The following TAF3 variants were observed in gnomAD, a reference collection of about 807,000 sequenced individuals.
TAF3 encodes TATA-box binding protein associated factor 3.
Under a neutral mutation model 80.6 loss-of-function variants are expected in TAF3, and 7 were observed. The ratio of observed to expected loss-of-function variants is 0.09; its 90% CI spans 0.05 to 0.16. TAF3 has a LOEUF of 0.16. TAF3 is among the 10% of genes least tolerant of loss of function. The pLI, the probability that TAF3 is intolerant of heterozygous loss-of-function variation, is 1.00. For missense variants in TAF3, 921 were observed against 1,140.2 expected (o/e 0.81, Z 2.77); for synonymous variants, 444 against 446.1 (o/e 1.00, Z 0.06).
intron 3 of TAF3, among the ~76,000 whole-genome samples, chr10:7,971,813 G>A (rs890350989): frequency 1.3e-5 from 2 of 152,184 alleles, no homozygotes; most frequent in Admixed American, 6.5e-5. Flanking sequence ...TGGCGAAGAA[G>A]CTAAATCCTT....
Position 7,823,784 on chromosome 10 carries a change from G to A in TAF3, c.167-534G>A, listed in dbSNP as rs182016024. ...TGAGTAGCTGGGATTACAGGCCTGC[G>A]CCACCACGCCCGGCTAATTTTTGTA... On this transcript the variant is annotated intron_variant, in intron 1 of 6. Coordinates refer to ENST00000344293, the MANE Select transcript of TAF3 (RefSeq NM_031923.4). 4.2e-3 allele frequency among the ~76,000 whole-genome samples: 631 copies of A among 151,992 alleles called. 6 individuals carry two copies. Among genetic ancestry groups the A allele is most frequent in the African/African-American group, 0.014 (600 of 41,474 alleles).
intron 2 of TAF3, among the ~76,000 whole-genome samples, chr10:7,906,706 C>A (rs533267701): frequency 6.6e-6 from 1 of 151,412 alleles, no homozygotes; most frequent in African/African-American, 2.4e-5. Flanking sequence ...TTAAATAGAG[C>A]GCAAGCAGCA....
chr10:7,884,898 C>G (rs1837394432), intron 2 of TAF3, among the ~76,000 whole-genome samples: 1 of 152,096 alleles, frequency 6.6e-6, no homozygotes, highest in Non-Finnish European at 1.5e-5. Context: ...GATTTAATAT[C>G]ATACAGCTCA....
At chr10:7,890,203 T>G (rs1471423776) in intron 2 of TAF3, among the ~76,000 whole-genome samples, 2 of 152,224 alleles carry the variant, frequency 1.3e-5, no homozygotes, top group African/African-American at 4.8e-5. Context: ...CCTGCCTGCC[T>G]TTCTTTTCTG....
chr10:7,819,884 T>C lies in TAF3; in HGVS notation c.166+1009T>C, dbSNP rs763437192. The stretch of plus-strand genomic sequence containing the variant: ...CTTAGGCCCCAAGTTTCGTTCCCGC[T>C]TCCACAGGGCTGCCAAAATAATCTG... On this transcript the variant is annotated intron_variant, in intron 1 of 6. Coordinates refer to ENST00000344293, the MANE Select transcript of TAF3 (RefSeq NM_031923.4). Among the ~76,000 whole-genome samples the C allele has an allele frequency of 9.2e-5, 14 of 152,206 alleles. 1 individual carries two copies. Among genetic ancestry groups the C allele is most frequent in the Non-Finnish European group, 1.5e-5 (1 of 68,018 alleles).
At chr10:7,912,224 C>G (rs1303695386) in intron 2 of TAF3, among the ~76,000 whole-genome samples, 1 of 151,938 alleles carries the variant, frequency 6.6e-6, no homozygotes, top group Non-Finnish European at 1.5e-5. Flanking sequence ...AAACCAAATA[C>G]AAGTAGGAGA....
chr10:7,964,342 T>C lies in TAF3; in HGVS notation c.832T>C (p.Ser278Pro). Residue 278 changes from serine (S) to proline (P), a missense_variant, in exon 3 of 7, where the codon TCT (serine) becomes CCT (proline). Ser to Pro is a moderately conservative substitution (Grantham distance 74, BLOSUM62 -1). Around this residue, in one of 6 missense-constraint regions of TAF3, gnomAD observed 743 missense variants for 821.0 expected, o/e 0.90. Coordinates refer to ENST00000344293, the MANE Select transcript of TAF3 (RefSeq NM_031923.4). This position sits in a 1 kb window ranked among gnomAD's most constrained non-coding sequence, Gnocchi z 4.1. ...ACCTAAAACAAAGACTAAAACTAGC[T>C]CTCCAGGACAGAAGACTAAATCACC... ...FTPKTKTKTSSPGQKTKSPKT... is the reference protein window; with the variant it reads ...FTPKTKTKTSPPGQKTKSPKT... The C allele has an allele frequency of 6.2e-7, 1 of 1,613,886 alleles. No homozygotes were observed.
intron 2 of TAF3, among the ~76,000 whole-genome samples, chr10:7,888,845 G>T (rs891956586): frequency 2.6e-5 from 4 of 152,240 alleles, no homozygotes; most frequent in African/African-American, 9.6e-5. Context: ...TGGCCTGCCA[G>T]ATTCAAGGCT....
At chr10:8,010,231 T>A (rs2131442227) in intron 5 of TAF3, among the ~76,000 whole-genome samples, 1 of 152,330 alleles carries the variant, frequency 6.6e-6, no homozygotes, top group African/African-American at 2.4e-5. Flanking sequence ...CATTGCAGTT[T>A]TTCACTGCAT....
At chr10:7,930,964 C>T (rs1837863030) in intron 2 of TAF3, among the ~76,000 whole-genome samples, 1 of 152,076 alleles carries the variant, frequency 6.6e-6, no homozygotes, top group Non-Finnish European at 1.5e-5. Flanking sequence ...TTGTTTCTAC[C>T]AAATCTGTGC....
At position 7,882,808 on chromosome 10, in the gene TAF3, G is replaced by A. The variant is rs569799804; in HGVS notation, c.409+58248G>A. ...TATTTTTTCCTTTGTAATAATTTCAGACTTACAGAAAAGATACAAGAATAG... is the reference window on the plus strand; with the variant it reads ...TATTTTTTCCTTTGTAATAATTTCAAACTTACAGAAAAGATACAAGAATAG... On this transcript the variant is annotated intron_variant, in intron 2 of 6. Coordinates refer to ENST00000344293, the MANE Select transcript of TAF3 (RefSeq NM_031923.4). 1.3e-3 allele frequency among the ~76,000 whole-genome samples: 203 copies of A among 152,254 alleles called. 1 individual carries two copies. Among genetic ancestry groups the A allele is most frequent in the African/African-American group, 4.7e-3 (195 of 41,550 alleles).
At chr10:7,836,900 C>A (rs1836857145) in intron 2 of TAF3, among the ~76,000 whole-genome samples, 1 of 152,130 alleles carries the variant, frequency 6.6e-6, no homozygotes, top group South Asian at 2.1e-4. Context: ...CCAAAAATAC[C>A]TATGGAGAGG....
chr10:7,958,552 T>A (rs942384247), intron 2 of TAF3, among the ~76,000 whole-genome samples: 1 of 151,984 alleles, frequency 6.6e-6, no homozygotes, highest in South Asian at 2.1e-4. Flanking sequence ...GCAAACTACC[T>A]ACAAATATGG....
intron 2 of TAF3, among the ~76,000 whole-genome samples, chr10:7,925,395 A>G (rs1262344049): frequency 1.3e-5 from 2 of 152,196 alleles, no homozygotes; most frequent in African/African-American, 4.8e-5. Context: ...GCATGTGAAT[A>G]TGTTTCGTCC....
Position 7,943,551 on chromosome 10 carries a change from G to C in TAF3, c.410-20369G>C, listed in dbSNP as rs1208034161. Among the ~76,000 whole-genome samples the C allele has an allele frequency of 4.6e-5, 7 of 152,134 alleles. No homozygotes were observed. The East Asian group carries it at 1.3e-3, about 29-fold the overall frequency. The stretch of plus-strand genomic sequence containing the variant: ...TGTTCTAGCTGCCAGGAGTGCCTGA[G>C]AGCCACCAAACTTGCACACTGCTAG... On this transcript the variant is annotated intron_variant, in intron 2 of 6. Coordinates refer to ENST00000344293, the MANE Select transcript of TAF3 (RefSeq NM_031923.4).
intron 2 of TAF3, among the ~76,000 whole-genome samples, chr10:7,961,853 T>C (rs1831504582): frequency 6.7e-6 from 1 of 149,460 alleles, no homozygotes. Flanking sequence ...TTTCTTTCCC[T>C]TTTTTTTTTC....
intron 4 of TAF3, among the ~76,000 whole-genome samples, chr10:7,998,263 A>ATG (rs1336453640): frequency 2.3e-4 from 18 of 78,118 alleles, no homozygotes; most frequent in South Asian, 9.2e-4. Context: ...ATATATATAT[A>ATG]TGTATATATA....
chr10:7,935,232 G>A (rs1837905660), intron 2 of TAF3, among the ~76,000 whole-genome samples: 1 of 151,972 alleles, frequency 6.6e-6, no homozygotes, highest in South Asian at 2.1e-4. Context: ...AGCCAAGATC[G>A]TGCCACTGCA....
At chr10:7,968,673 G>T (rs1358049093) in intron 3 of TAF3, among the ~76,000 whole-genome samples, 2 of 152,142 alleles carry the variant, frequency 1.3e-5, no homozygotes, top group Non-Finnish European at 2.9e-5. Context: ...ACTTTAAGAT[G>T]AGAAACTAAG....
Sources: gnomAD v4.1 joint callset for allele counts (sites outside exome capture counted in the v4.1 genomes callset) on GRCh38, gnomAD v4.1.1 for gene constraint, gnomAD v4.1.1 regional missense constraint, Gnocchi (gnomAD v3.1) non-coding constraint, MANE v1.5 for transcripts, NCBI Gene and HGNC (gene_info 2026-07-23, HGNC 2026-07-21) for gene names.